Variants in FADS2 observed in about 807,000 individuals in gnomAD.
FADS2 encodes the protein acyl-CoA 6-desaturase.
In FADS2, 18 loss-of-function variants were observed where a neutral mutation model predicts 61.2. The ratio of observed to expected loss-of-function variants is 0.29; its 90% CI spans 0.20 to 0.44. The LOEUF (loss-of-function observed/expected upper bound fraction) is 0.44, where lower values mean the gene tolerates loss of function less well. Among genes scored for constraint, FADS2 ranks in the 20% least tolerant of loss-of-function variants. The probability of loss-of-function intolerance (pLI) is 1.00; values close to 1 mark genes in which losing one functional copy is unlikely to be tolerated. For synonymous variants in FADS2, 203 were observed against 223.9 expected, an observed-to-expected ratio of 0.91 and a Z score of 0.83; for missense variants, 322 against 572.7, an observed-to-expected ratio of 0.56 and a Z score of 4.47.
intron 7 of FADS2, among the ~76,000 whole-genome samples, chr11:61,861,695 G>A (rs554496903): frequency 6.6e-6 from 1 of 152,310 alleles, no homozygotes; most frequent in East Asian, 1.9e-4. Context: ...GCCATCTCCA[G>A]CCTCTCCTGA....
rs2066984333 is a variant in FADS2 at position 61,816,437 on chromosome 11, G to A, written c.141+11G>A. On this transcript the variant is annotated intron_variant, in intron 1 of 11. Transcript: ENST00000257261. The surrounding 1 kb of genome is among the most constrained non-coding windows in gnomAD (Gnocchi z 7.0). ...ATCACCGGGCAACAGGTATGATCAG[G>A]CGCCTCCGGGCTTTCCTCCGAATTA... 1 of 1,599,036 alleles carries A rather than the reference G, an allele frequency of 6.3e-7. No homozygotes were observed. The highest frequency in any genetic ancestry group is 1.3e-5 in the African/African-American group (1 of 74,928).
At chr11:61,846,274 G>A (rs1276319882) in intron 4 of FADS2, among the ~76,000 whole-genome samples, 1 of 151,736 alleles carries the variant, frequency 6.6e-6, no homozygotes, top group African/African-American at 2.4e-5. Context: ...CCGCCACCAC[G>A]CCCAGATAAT....
upstream of FADS2, chr11:61,827,712 C>T (rs2067095383): frequency 6.6e-6 from 1 of 152,400 alleles, no homozygotes; most frequent in African/African-American, 2.4e-5. The surrounding 1 kb of genome is among the most constrained non-coding windows in gnomAD (Gnocchi z 4.5). Context: ...AGGTGCAAAC[C>T]CCCAGAGCGC....
At position 61,861,029 on chromosome 11, in the gene FADS2, A is replaced by AC. The variant is rs543411337; in HGVS notation, c.883-1936dup. 9.1e-4 allele frequency among the ~76,000 whole-genome samples: 137 copies of AC among 151,200 alleles called. 1 individual carries two copies. The highest frequency in any genetic ancestry group is 3.4e-3 in the Middle Eastern group (1 of 290). ...AGACCAGCCTGGGCAAGTAAGTGAG[A>AC]CCCCCCCATCTCTATAAAAACTTAA... On this transcript the variant is annotated intron_variant, in intron 7 of 11. Coordinates refer to ENST00000278840, the MANE Select transcript of FADS2 (RefSeq NM_004265.4).
At chr11:61,816,234 G>C (rs2066981355), upstream of FADS2, 2 of 1,594,644 alleles carry the variant, frequency 1.3e-6, no homozygotes, top group Non-Finnish European at 1.7e-6. This position sits in a 1 kb window ranked among gnomAD's most constrained non-coding sequence, Gnocchi z 7.0. Context: ...AGCCTACCCA[G>C]CTCGGGGTTC....
upstream of FADS2, chr11:61,828,147 C>T: frequency 2.2e-6 from 3 of 1,386,742 alleles, no homozygotes; most frequent in Non-Finnish European, 2.8e-6. This position sits in a 1 kb window ranked among gnomAD's most constrained non-coding sequence, Gnocchi z 6.4. Flanking sequence ...GAGGGAGGGG[C>T]GGAGGAAGGG....
Position 61,865,058 on chromosome 11 carries a change from G to T in FADS2, c.1158-94G>T, listed in dbSNP as rs2067455031. Reference sequence around the variant, plus strand: ...CCTGGCTGTGGACAGGGTCTCTGAGGGCCCCAGCCAGCCTCTGCCCAGGTG... The same window carrying T: ...CCTGGCTGTGGACAGGGTCTCTGAGTGCCCCAGCCAGCCTCTGCCCAGGTG... On this transcript the variant is annotated intron_variant, in intron 10 of 11. Coordinates refer to ENST00000278840, the MANE Select transcript of FADS2 (RefSeq NM_004265.4). This position sits in a 1 kb window ranked among gnomAD's most constrained non-coding sequence, Gnocchi z 4.1. 2 of 1,464,162 alleles carry T rather than the reference G, an allele frequency of 1.4e-6. No homozygotes were observed. The highest frequency in any genetic ancestry group is 2.5e-5 in the South Asian group (2 of 79,174). The allele number at this position is 1,464,162 out of a possible 1,614,324, so 90.7% of individuals were successfully genotyped here. A position where few individuals can be genotyped will look rare whatever the true frequency, so the allele number is the denominator to read the frequency against.
At position 61,848,240 on chromosome 11, in the gene FADS2, A is replaced by G. The variant is rs754703896; in HGVS notation, c.700A>G (p.Asn234Asp). ...PNIFHKDPDVNMLHVFVLGEW... is the reference protein window; with the variant it reads ...PNIFHKDPDVDMLHVFVLGEW... ...CATCTTCCACAAGGATCCCGATGTG[A>G]ACATGCTGCACGTGTTTGTTCTGGG... Residue 234 changes from asparagine (N) to aspartate (D), a missense_variant, in exon 5 of 12, where the codon AAC (asparagine) becomes GAC (aspartate). Physicochemically the swap from Asn to Asp is conservative, Grantham distance 23. Around this residue, in one of 3 missense-constraint regions of FADS2, gnomAD observed 221 missense variants for 427.9 expected, o/e 0.52. Coordinates refer to ENST00000278840, the MANE Select transcript of FADS2 (RefSeq NM_004265.4). 6.2e-7 allele frequency: 1 copy of G among 1,614,242 alleles called. No individual in the cohort carries two copies. The highest frequency in any genetic ancestry group is 8.5e-7 in the Non-Finnish European group (1 of 1,180,040).
rs371722127 is a variant in FADS2 at position 61,856,855 on chromosome 11, C to T, written c.745-156C>T. 120 of 686,382 alleles carry T rather than the reference C, an allele frequency of 1.7e-4. No individual in the cohort carries two copies. In the East Asian group the frequency reaches 2.0e-3, roughly 11 times the overall value. 42.5% of individuals were successfully genotyped at this position (686,382 alleles called of 1,614,324 possible). On this transcript the variant is annotated intron_variant, in intron 5 of 11. Transcript: ENST00000278840. ...GGGGAGCCCAGAGGGCTGGAGGGGC[C>T]CCAGGCTTGGTGGGCCCAGGGTGCA...
At chr11:61,832,330 G>A (rs1468708882) in intron 1 of FADS2, among the ~76,000 whole-genome samples, 1 of 152,216 alleles carries the variant, frequency 6.6e-6, no homozygotes, top group Non-Finnish European at 1.5e-5. Flanking sequence ...TTAGAGGCAG[G>A]AGACCTGGGT....
chr11:61,820,212 A>G (rs1189576345), intron 1 of FADS2, among the ~76,000 whole-genome samples: 2 of 151,972 alleles, frequency 1.3e-5, no homozygotes, highest in Non-Finnish European at 2.9e-5. Context: ...ACCTACCTAG[A>G]ACCATTCATT....
intron 2 of FADS2, 111 bp downstream of exon 2, chr11:61,837,999 T>C: frequency 3.9e-6 from 3 of 768,280 alleles, no homozygotes; most frequent in Non-Finnish European, 4.4e-6. Context: ...GAGGCAGGGG[T>C]GCTTTTGTCC....
intron 5 of FADS2, among the ~76,000 whole-genome samples, chr11:61,851,793 G>A (rs1348687929): frequency 1.3e-5 from 2 of 152,248 alleles, no homozygotes; most frequent in Non-Finnish European, 2.9e-5. Flanking sequence ...TGTGAATAGC[G>A]CGGGCTCCGC....
chr11:61,816,227 C>T, upstream of FADS2: 1 of 1,591,218 alleles, frequency 6.3e-7, no homozygotes, highest in Non-Finnish European at 8.5e-7. This position sits in a 1 kb window ranked among gnomAD's most constrained non-coding sequence, Gnocchi z 7.0. Context: ...CCCTCCTAGC[C>T]TACCCAGCTC....
At chr11:61,830,669 G>A (rs943406061) in intron 1 of FADS2, among the ~76,000 whole-genome samples, 2 of 152,196 alleles carry the variant, frequency 1.3e-5, no homozygotes, top group Non-Finnish European at 2.9e-5. Flanking sequence ...GCCAACCGGG[G>A]CTGCAAACAG....
Position 61,865,264 on chromosome 11 carries a change from C to T in FADS2, c.1270C>T (p.Leu424=), listed in dbSNP as rs2067457926. 6.2e-7 allele frequency: 1 copy of T among 1,613,290 alleles called. No homozygotes were observed. The highest frequency in any genetic ancestry group is 1.3e-5 in the African/African-American group (1 of 74,930). ...GGAGAAGCCGCTACTGAGGGCCCTG[C>T]TGGACATCATCAGGTGAGGGGTGGA... is the stretch of plus-strand genomic sequence containing the variant. The part of the protein sequence containing the change: ...YQEKPLLRAL[L]DIIRSLKKSG... The change falls in exon 11 of 12, where the codon CTG becomes TTG. Residue 424 remains leucine, a synonymous_variant. Coordinates refer to ENST00000278840, the MANE Select transcript of FADS2 (RefSeq NM_004265.4). This position sits in a 1 kb window ranked among gnomAD's most constrained non-coding sequence, Gnocchi z 4.1.
upstream of FADS2, chr11:61,828,212 C>T (rs1421436438): frequency 7.0e-7 from 1 of 1,431,054 alleles, no homozygotes; most frequent in African/African-American, 1.4e-5. The surrounding 1 kb of genome is among the most constrained non-coding windows in gnomAD (Gnocchi z 6.4). Flanking sequence ...GGCAGGGACA[C>T]TCCCGAGCGC....
Position 61,865,725 on chromosome 11 carries a change from C to T in FADS2, c.*36C>T. The stretch of plus-strand genomic sequence containing the variant: ...CCCGGGACACCGTGGGGAAGGGGTG[C>T]AGGTGGGGTGATGGCCAGAGGAATG... On this transcript the variant is annotated 3_prime_UTR_variant, in exon 12 of 12. Coordinates refer to ENST00000278840, the MANE Select transcript of FADS2 (RefSeq NM_004265.4). The surrounding 1 kb of genome is among the most constrained non-coding windows in gnomAD (Gnocchi z 4.1). The T allele has an allele frequency of 7.6e-6, 12 of 1,580,668 alleles. No individual in the cohort carries two copies. The highest frequency in any genetic ancestry group is 8.7e-6 in the Non-Finnish European group (10 of 1,155,196).
intron 5 of FADS2, chr11:61,856,776 G>A (rs967944171): frequency 9.2e-6 from 5 of 543,006 alleles, no homozygotes; most frequent in South Asian, 8.0e-5. Context: ...CGATGCCATC[G>A]GGCCAGTGCT....
Sources: allele counts gnomAD v4.1 joint callset (sites outside exome capture counted in the v4.1 genomes callset), GRCh38; gene constraint gnomAD v4.1.1; regional missense constraint gnomAD v4.1.1; non-coding constraint Gnocchi (gnomAD v3.1); transcripts MANE v1.5; gene names NCBI Gene and HGNC (gene_info 2026-07-23, HGNC 2026-07-21).